The following BIRC2 variants were observed in gnomAD, a reference collection of about 807,000 sequenced individuals.
BIRC2 encodes baculoviral IAP repeat containing 2, also known as baculoviral IAP repeat-containing protein 2.
A neutral mutation model predicts 60.9 loss-of-function variants in BIRC2; 18 were observed. The observed-to-expected ratio is 0.30, with a 90% CI of 0.20 to 0.44. The LOEUF (loss-of-function observed/expected upper bound fraction) is 0.44. Ranked by LOEUF, BIRC2 falls within the 20% of genes least tolerant of loss-of-function variation. The probability of loss-of-function intolerance (pLI) is 1.00; values close to 1 mark genes in which losing one functional copy is unlikely to be tolerated. For synonymous variants in BIRC2, 282 were observed against 247.7 expected (o/e 1.14, Z -1.30); for missense variants, 701 against 728.5 (o/e 0.96, Z 0.43).
At chr11:102,369,204 T>G (rs1446076529) in intron 6 of BIRC2, among the ~76,000 whole-genome samples, 2 of 151,648 alleles carry the variant, frequency 1.3e-5, no homozygotes, top group East Asian at 3.9e-4. Context: ...AGGGTACATG[T>G]GCACATTGTG....
At chr11:102,364,763 G>A (rs1317869664) in intron 5 of BIRC2, among the ~76,000 whole-genome samples, 1 of 152,156 alleles carries the variant, frequency 6.6e-6, no homozygotes, top group Non-Finnish European at 1.5e-5. Context: ...GAAGGATTTG[G>A]TAGTATTTGA....
Position 102,378,273 on chromosome 11 carries a change from G to T in BIRC2, c.*90G>T. 1 of 1,063,194 alleles carries T rather than the reference G, an allele frequency of 9.4e-7. No individual in the cohort carries two copies. The highest frequency in any genetic ancestry group is 1.3e-6 in the Non-Finnish European group (1 of 772,736). 65.9% of individuals were successfully genotyped at this position (1,063,194 alleles called of 1,614,324 possible). On this transcript the variant is annotated 3_prime_UTR_variant, in exon 9 of 9. Coordinates refer to ENST00000227758, the MANE Select transcript of BIRC2 (RefSeq NM_001166.5). ...CCATCTAAAGTAAAAAGGGAATTATGAGTTTTTCAATTAGTAACATTCATG... is the reference window on the plus strand; with the variant it reads ...CCATCTAAAGTAAAAAGGGAATTATTAGTTTTTCAATTAGTAACATTCATG...
intron 3 of BIRC2, among the ~76,000 whole-genome samples, chr11:102,360,627 C>A (rs924295428): frequency 8.0e-5 from 12 of 150,198 alleles, no homozygotes; most frequent in Non-Finnish European, 1.2e-4. Flanking sequence ...TCATAGATCT[C>A]CATTTCTTTG....
chr11:102,351,972 C>T (rs779284210), intron 3 of BIRC2, among the ~76,000 whole-genome samples: 17 of 152,254 alleles, frequency 1.1e-4, no homozygotes, highest in Non-Finnish European at 1.9e-4. Flanking sequence ...CATTCTTAAC[C>T]GTTCTGCGAT....
intron 5 of BIRC2, among the ~76,000 whole-genome samples, chr11:102,367,842 C>T (rs1270818379): frequency 2.0e-5 from 3 of 152,174 alleles, no homozygotes; most frequent in African/African-American, 4.8e-5. Flanking sequence ...CTCAGCAATC[C>T]ACTTGTCTAG....
chr11:102,353,120 A>T (rs562403065), intron 3 of BIRC2, among the ~76,000 whole-genome samples: 1 of 152,326 alleles, frequency 6.6e-6, no homozygotes, highest in Middle Eastern at 3.4e-3. Context: ...GATTATATAC[A>T]TTAATTTGAA....
At chr11:102,358,561 G>T (rs1951448589) in intron 3 of BIRC2, among the ~76,000 whole-genome samples, 1 of 152,106 alleles carries the variant, frequency 6.6e-6, no homozygotes, top group African/African-American at 2.4e-5. Context: ...TTGAAAGTAG[G>T]ATTTTTGAAG....
At chr11:102,361,836 C>A (rs1164725025) in intron 3 of BIRC2, among the ~76,000 whole-genome samples, 1 of 87,144 alleles carries the variant, frequency 1.1e-5, no homozygotes, top group Non-Finnish European at 2.1e-5. Flanking sequence ...TGTGGTTATT[C>A]TCCCTTTTTT....
intron 8 of BIRC2, 30 bp downstream of exon 8, chr11:102,377,928 C>G (rs780835363): frequency 2.5e-6 from 4 of 1,607,212 alleles, no homozygotes; most frequent in Non-Finnish European, 3.4e-6. Context: ...CCAACATGAA[C>G]TATTACCCTT....
chr11:102,349,896 G>C lies in BIRC2; in HGVS notation c.42G>C (p.Ser14=), dbSNP rs770573618. The C allele has an allele frequency of 6.2e-7, 1 of 1,612,826 alleles. No homozygotes were observed. Among genetic ancestry groups the C allele is most frequent in the African/African-American group, 1.3e-5 (1 of 75,006 alleles). ...CCCAAAGACTTTTCCCAGGTCCCTCGTATCAAAACATTAAGAGTATAATGG... is the reference window on the plus strand; with the variant it reads ...CCCAAAGACTTTTCCCAGGTCCCTCCTATCAAAACATTAAGAGTATAATGG... ...TASQRLFPGP[S]YQNIKSIMED... The change falls in exon 2 of 9, where the codon TCG becomes TCC. Residue 14 remains serine, a synonymous_variant. Coordinates refer to ENST00000227758, the MANE Select transcript of BIRC2 (RefSeq NM_001166.5).
rs1464824605 is a variant in BIRC2 at position 102,368,379 on chromosome 11, C to T, written c.1197C>T (p.Ala399=). The T allele has an allele frequency of 2.5e-6, 4 of 1,613,952 alleles. No individual in the cohort carries two copies. The South Asian group carries it at 3.3e-5, about 13-fold the overall frequency. ...VMMNTPVVKS[A]LEMGFNRDLV... is the part of the protein sequence containing the mutation. ...TGAATACACCTGTGGTTAAATCTGC[C>T]TTGGAAATGGGCTTTAATAGAGACC... The change falls in exon 6 of 9, where the codon GCC becomes GCT. Residue 399 remains alanine (A), a synonymous_variant. Coordinates refer to ENST00000227758, the MANE Select transcript of BIRC2 (RefSeq NM_001166.5).
At chr11:102,351,740 G>A (rs1169169800) in intron 3 of BIRC2, among the ~76,000 whole-genome samples, 1 of 150,316 alleles carries the variant, frequency 6.7e-6, no homozygotes, top group African/African-American at 2.5e-5. Flanking sequence ...TTTGTCTCTA[G>A]CAGTGTCTTT....
intron 6 of BIRC2, among the ~76,000 whole-genome samples, chr11:102,374,169 A>G (rs1176286880): frequency 4.0e-5 from 6 of 151,198 alleles, no homozygotes; most frequent in South Asian, 2.1e-4. Flanking sequence ...CTCTCAGCTC[A>G]TCAAAGTCAT....
intron 3 of BIRC2, among the ~76,000 whole-genome samples, chr11:102,357,584 A>AT (rs1386889292): frequency 1.3e-5 from 2 of 152,114 alleles, no homozygotes; most frequent in East Asian, 3.8e-4. Context: ...TTGGTGAATA[A>AT]TTGTTCATGG....
Position 102,378,283 on chromosome 11 carries a change from A to G in BIRC2, c.*100A>G, listed in dbSNP as rs988408405. The G allele has an allele frequency of 7.6e-6, 7 of 920,466 alleles. No homozygotes were observed. In the Admixed American group the frequency reaches 1.0e-4, roughly 13 times the overall value. 57.0% of individuals were successfully genotyped at this position (920,466 alleles called of 1,614,324 possible). A position where few individuals can be genotyped will look rare whatever the true frequency, so the allele number is the denominator to read the frequency against. ...TAAAAAGGGAATTATGAGTTTTTCA[A>G]TTAGTAACATTCATGTTCTAGTCTG... On this transcript the variant is annotated 3_prime_UTR_variant, in exon 9 of 9. Coordinates refer to ENST00000227758, the MANE Select transcript of BIRC2 (RefSeq NM_001166.5).
chr11:102,377,845 T>A lies in BIRC2; in HGVS notation c.1622-12T>A. The A allele has an allele frequency of 6.2e-7, 1 of 1,602,936 alleles. No homozygotes were observed. The highest frequency in any genetic ancestry group is 1.1e-5 in the South Asian group (1 of 87,838). On this transcript the variant is annotated splice_polypyrimidine_tract_variant and intron_variant, in intron 7 of 8. Coordinates refer to ENST00000227758, the MANE Select transcript of BIRC2 (RefSeq NM_001166.5). Reference sequence around the variant, plus strand: ...TTAGTAGAGTAATGGTTTTTATGTTTTCTTTCCTCAGTGGATAAGAATATG... The same window carrying A: ...TTAGTAGAGTAATGGTTTTTATGTTATCTTTCCTCAGTGGATAAGAATATG...
In BIRC2 at chr11:102,350,668, C is replaced by T. The variant is rs143542691; in HGVS notation, c.814C>T (p.Arg272Ter). 1.9e-6 allele frequency: 3 copies of T among 1,613,588 alleles called. No homozygotes were observed. Among genetic ancestry groups the T allele is most frequent in the Admixed American group, 3.3e-5 (2 of 59,998 alleles). The stretch of plus-strand genomic sequence containing the variant: ...TCTGAGCATGCAGACACATGCAGCT[C>T]GAATGAGAACATTTATGTACTGGCC... ...SNLSMQTHAA[R>*]MRTFMYWPSS... The change falls in exon 2 of 9, where the codon CGA (arginine) becomes TGA (stop). Residue 272 changes from arginine (R) to a stop codon, truncating the protein, a stop_gained. Coordinates refer to ENST00000227758, the MANE Select transcript of BIRC2 (RefSeq NM_001166.5). LOFTEE classifies it high-confidence loss of function.
chr11:102,368,627 C>G, intron 6 of BIRC2, 79 bp downstream of exon 6: 1 of 1,528,736 alleles, frequency 6.5e-7, no homozygotes, highest in Non-Finnish European at 8.8e-7. Flanking sequence ...GGACACCATG[C>G]TTGTTTCACA....
intron 3 of BIRC2, among the ~76,000 whole-genome samples, chr11:102,357,523 A>G (rs556849063): frequency 8.5e-5 from 13 of 152,276 alleles, no homozygotes; most frequent in African/African-American, 2.9e-4. Flanking sequence ...TAGTCTTGAT[A>G]AATTACAAGT....
Sources: gnomAD v4.1 joint callset for allele counts (sites outside exome capture counted in the v4.1 genomes callset) on GRCh38, gnomAD v4.1.1 for gene constraint, MANE v1.5 for transcripts, NCBI Gene and HGNC (gene_info 2026-07-23, HGNC 2026-07-21) for gene names.